Variants in SLC6A20 observed in about 807,000 individuals in gnomAD.
The protein encoded by SLC6A20 is solute carrier family 6 member 20, also known as sodium- and chloride-dependent transporter XTRP3.
SLC6A20 carries 73 observed loss-of-function variants against 64.3 expected under a neutral mutation model. That is an observed-to-expected ratio of 1.14 (90% CI 0.94 to 1.38). SLC6A20 has a LOEUF of 1.38. SLC6A20 is among the 40% of genes most tolerant of loss of function. The pLI is 0.00. For synonymous variants in SLC6A20, 347 were observed against 329.6 expected (o/e 1.05, Z -0.57); for missense variants, 725 against 772.8 (o/e 0.94, Z 0.73).
At chr3:45,784,968 TA>T (rs1344975533) in intron 1 of SLC6A20, among the ~76,000 whole-genome samples, 1 of 152,240 alleles carries the variant, frequency 6.6e-6, no homozygotes, top group Non-Finnish European at 1.5e-5. Flanking sequence ...ACTCCTGGGA[TA>T]ATGATACCAA....
At chr3:45,770,796 A>G (rs1449181209) in intron 6 of SLC6A20, among the ~76,000 whole-genome samples, 1 of 152,230 alleles carries the variant, frequency 6.6e-6, no homozygotes, top group Non-Finnish European at 1.5e-5. Flanking sequence ...ATTTAAATGT[A>G]AATTTGTAAA....
chr3:45,786,206 G>T (rs1258765033), intron 1 of SLC6A20, among the ~76,000 whole-genome samples: 1 of 152,156 alleles, frequency 6.6e-6, no homozygotes, highest in Non-Finnish European at 1.5e-5. Context: ...CCAGTGCAAT[G>T]AGTAAAATCA....
intron 8 of SLC6A20, 103 bp from the exon 9 acceptor site, chr3:45,763,175 G>A: frequency 6.6e-7 from 1 of 1,522,554 alleles, no homozygotes; most frequent in Non-Finnish European, 8.9e-7. Flanking sequence ...GGGAATTTTG[G>A]CTGATTGCTT....
intron 9 of SLC6A20, among the ~76,000 whole-genome samples, chr3:45,762,268 C>T (rs748871801): frequency 4.6e-5 from 7 of 152,232 alleles, no homozygotes; most frequent in African/African-American, 1.4e-4. Context: ...GTGCCAGACT[C>T]ATCTGGGAAC....
At chr3:45,771,739 G>A in intron 5 of SLC6A20, 1 of 527,592 alleles carries the variant, frequency 1.9e-6, no homozygotes, top group Non-Finnish European at 3.4e-6. Flanking sequence ...TAGCACCTCA[G>A]CCATAGGAGG....
At chr3:45,766,627 G>A (rs752241363) in intron 7 of SLC6A20, among the ~76,000 whole-genome samples, 1 of 152,130 alleles carries the variant, frequency 6.6e-6, no homozygotes, top group Non-Finnish European at 1.5e-5. Flanking sequence ...GGGTCTTTAG[G>A]GGGTAATTAA....
rs150783973 is a variant in SLC6A20 at position 45,762,858 on chromosome 3, G to A, written c.1463+55C>T. 745 of 1,599,494 alleles carry A rather than the reference G, an allele frequency of 4.7e-4. 6 individuals are homozygous for A. The African/African-American group carries it at 8.2e-3, about 18-fold the overall frequency. On this transcript the variant is annotated intron_variant, in intron 9 of 10. Transcript: ENST00000358525. ...GAAACAGCTGTTTTCCTTGAGGGGC[G>A]TGGCCTCTGTGGCTGTGTTTTCCCT... is the stretch of plus-strand genomic sequence containing the variant.
chr3:45,787,884 C>T (rs190612518), intron 1 of SLC6A20, among the ~76,000 whole-genome samples: 9 of 152,306 alleles, frequency 5.9e-5, no homozygotes, highest in Admixed American at 5.9e-4. Context: ...TAGCGTAATG[C>T]TTGGGCTTGC....
In SLC6A20 at chr3:45,772,477, C is replaced by T. The variant is rs372474626; in HGVS notation, c.693+28G>A. On this transcript the variant is annotated intron_variant, in intron 5 of 10. Transcript: ENST00000358525. ...GGTGGCAGGATAAGTGAGGGGTGCCCGTAGGGCCCTTCCGCTTCAGCCCGT... is the reference window on the plus strand; with the variant it reads ...GGTGGCAGGATAAGTGAGGGGTGCCTGTAGGGCCCTTCCGCTTCAGCCCGT... 8.7e-5 allele frequency: 139 copies of T among 1,594,112 alleles called. No individual in the cohort carries two copies. In the African/African-American group the frequency reaches 1.5e-3, roughly 17 times the overall value.
intron 9 of SLC6A20, among the ~76,000 whole-genome samples, chr3:45,760,989 T>C (rs983736104): frequency 6.6e-6 from 1 of 151,976 alleles, no homozygotes; most frequent in African/African-American, 2.4e-5. Context: ...GTGGTGTGGG[T>C]GTGACGTCAC....
At chr3:45,782,325 C>T in intron 1 of SLC6A20, 102 bp from the exon 2 acceptor site, 2 of 1,450,068 alleles carry the variant, frequency 1.4e-6, no homozygotes, top group Non-Finnish European at 1.8e-6. Flanking sequence ...TGTCTTTCTA[C>T]TTGTCCATGC....
intron 1 of SLC6A20, among the ~76,000 whole-genome samples, chr3:45,784,772 T>G (rs765571027): frequency 2.4e-4 from 36 of 152,210 alleles, no homozygotes; most frequent in Non-Finnish European, 4.6e-4. Flanking sequence ...GAACAGAAAT[T>G]TATTGGCTCA....
intron 3 of SLC6A20, among the ~76,000 whole-genome samples, chr3:45,778,470 G>A (rs143895804): frequency 1.3e-5 from 2 of 152,292 alleles, no homozygotes; most frequent in African/African-American, 4.8e-5. Context: ...TATGAAGGAT[G>A]GAATGAATGA....
chr3:45,774,959 T>C (rs2125728607), intron 4 of SLC6A20, among the ~76,000 whole-genome samples: 1 of 152,252 alleles, frequency 6.6e-6, no homozygotes, highest in African/African-American at 2.4e-5. Context: ...ACAATGTGGG[T>C]GCTCAAGCCG....
rs933861693 is a variant in SLC6A20, at chr3:45,794,475, C to T, written c.121+1824G>A. 1.2e-4 allele frequency among the ~76,000 whole-genome samples: 18 copies of T among 152,258 alleles called. No individual in the cohort carries two copies. In the South Asian group the frequency reaches 3.3e-3, roughly 28 times the overall value. On this transcript the variant is annotated intron_variant, in intron 1 of 10. Coordinates refer to ENST00000358525, the MANE Select transcript of SLC6A20 (RefSeq NM_020208.4). ...CCCAGCCACCAATCCATGCTCCGTC[C>T]GGCTTCCACTCATCTATCTATCCAC...
At chr3:45,787,955 G>T (rs1402459937) in intron 1 of SLC6A20, among the ~76,000 whole-genome samples, 1 of 152,100 alleles carries the variant, frequency 6.6e-6, no homozygotes, top group Non-Finnish European at 1.5e-5. Flanking sequence ...CTGAACTGTG[G>T]AATAACTTTG....
chr3:45,780,110 A>G lies in SLC6A20; in HGVS notation c.263-10T>C, dbSNP rs748802468. The G allele has an allele frequency of 1.3e-6, 2 of 1,580,336 alleles. No individual in the cohort carries two copies. The highest frequency in any genetic ancestry group is 1.2e-5 in the South Asian group (1 of 86,220). On this transcript the variant is annotated splice_polypyrimidine_tract_variant and intron_variant, in intron 2 of 10. Transcript: ENST00000358525. ...ACCACGCTGGCGACCCCTGCGAGGAAGCAGAGGGCCGCGCTGAGGACTGAG... is the reference window on the plus strand; with the variant it reads ...ACCACGCTGGCGACCCCTGCGAGGAGGCAGAGGGCCGCGCTGAGGACTGAG...
At chr3:45,778,017 G>T (rs951903353) in intron 3 of SLC6A20, among the ~76,000 whole-genome samples, 1 of 152,226 alleles carries the variant, frequency 6.6e-6, no homozygotes, top group African/African-American at 2.4e-5. Context: ...GTTGAAGAAG[G>T]TTTAGCGTAT....
chr3:45,772,718 G>A lies in SLC6A20; in HGVS notation c.583-103C>T, dbSNP rs147203790. 307 of 891,160 alleles carry A rather than the reference G, an allele frequency of 3.4e-4. 1 individual carries two copies. In the African/African-American group the frequency reaches 4.7e-3, roughly 14 times the overall value. 55.2% of individuals were successfully genotyped at this position (891,160 alleles called of 1,614,324 possible). Reference sequence around the variant, plus strand: ...ACATCTGGGGTATTCAGGCTGCACCGCCCAGCTGCTGACAGCTGGAAAAGG... The same window carrying A: ...ACATCTGGGGTATTCAGGCTGCACCACCCAGCTGCTGACAGCTGGAAAAGG... On this transcript the variant is annotated intron_variant, in intron 4 of 10. Transcript: ENST00000358525.
Sources: allele counts gnomAD v4.1 joint callset (sites outside exome capture counted in the v4.1 genomes callset), GRCh38; gene constraint gnomAD v4.1.1; transcripts MANE v1.5; gene names NCBI Gene and HGNC (gene_info 2026-07-23, HGNC 2026-07-21).